Variants in SLC1A2 observed in about 807,000 individuals in gnomAD.
SLC1A2 encodes the protein solute carrier family 1 member 2.
SLC1A2 carries 15 observed loss-of-function variants against 48.8 expected under a neutral mutation model. That is an observed-to-expected ratio of 0.31 (90% CI 0.21 to 0.47). The LOEUF is 0.47. Ranked by LOEUF, SLC1A2 falls within the 20% of genes least tolerant of loss-of-function variation. SLC1A2 has a pLI of 0.99. For synonymous variants in SLC1A2, 279 were observed against 272.6 expected (o/e 1.02, Z -0.23); for missense variants, 502 against 730.5 (o/e 0.69, Z 3.61).
At chr11:35,408,817 T>C (rs914977727) in intron 1 of SLC1A2, among the ~76,000 whole-genome samples, 2 of 152,238 alleles carry the variant, frequency 1.3e-5, no homozygotes, top group Admixed American at 1.3e-4. Context: ...AAATGTAGAT[T>C]GAATGTAATC....
chr11:35,418,715 C>T, intron 1 of SLC1A2: 2 of 557,080 alleles, frequency 3.6e-6, no homozygotes, highest in South Asian at 2.2e-5. Context: ...CGCACCTTAC[C>T]CTTTTTATCA....
Position 35,419,299 on chromosome 11 carries a change from G to A in SLC1A2, c.-333C>T. Reference sequence around the variant, plus strand: ...CAGGGCTGCAGGAGGGCGCACGCCGGCGATGCGCCCCTGCAGCCGCTGCCA... The same window carrying A: ...CAGGGCTGCAGGAGGGCGCACGCCGACGATGCGCCCCTGCAGCCGCTGCCA... On this transcript the variant is annotated 5_prime_UTR_variant, in exon 1 of 11. Transcript: ENST00000278379. This position sits in a 1 kb window ranked among gnomAD's most constrained non-coding sequence, Gnocchi z 5.4. 1 of 293,682 alleles carries A rather than the reference G, an allele frequency of 3.4e-6. No homozygotes were observed. The highest frequency in any genetic ancestry group is 6.2e-6 in the Non-Finnish European group (1 of 160,106). 18.2% of individuals were successfully genotyped at this position (293,682 alleles called of 1,614,324 possible).
chr11:35,272,168 T>A (rs953418621), intron 9 of SLC1A2, among the ~76,000 whole-genome samples: 1 of 151,972 alleles, frequency 6.6e-6, no homozygotes, highest in Non-Finnish European at 1.5e-5. Flanking sequence ...AGGGAATAAT[T>A]GATGAAGTTA....
chr11:35,363,382 A>G (rs1853745015), intron 1 of SLC1A2, among the ~76,000 whole-genome samples: 1 of 152,028 alleles, frequency 6.6e-6, no homozygotes. Context: ...AGCTTGGGAC[A>G]CAGCTAAAGT....
chr11:35,378,909 T>C (rs1423049537), intron 1 of SLC1A2, among the ~76,000 whole-genome samples: 5 of 152,190 alleles, frequency 3.3e-5, no homozygotes, highest in East Asian at 1.9e-4. Flanking sequence ...TGAAGCTCCA[T>C]TGTCTGTGAA....
At chr11:35,343,045 C>A (rs1167322563) in intron 1 of SLC1A2, among the ~76,000 whole-genome samples, 2 of 152,246 alleles carry the variant, frequency 1.3e-5, no homozygotes, top group Non-Finnish European at 2.9e-5. Flanking sequence ...ACTTCTATCA[C>A]TATCCTGCTC....
chr11:35,414,294 G>A (rs1428405087), intron 1 of SLC1A2, among the ~76,000 whole-genome samples: 1 of 152,096 alleles, frequency 6.6e-6, no homozygotes, highest in Admixed American at 6.6e-5. Context: ...AAATTTTAAA[G>A]ATCTTCCTTT....
At position 35,260,410 on chromosome 11, in the gene SLC1A2, C is replaced by A. The variant is rs767305991; in HGVS notation, c.*484G>T. 7.1e-5 allele frequency: 11 copies of A among 155,372 alleles called. No homozygotes were observed. Among genetic ancestry groups the A allele is most frequent in the Non-Finnish European group, 1.4e-4 (10 of 69,972 alleles). 9.6% of individuals were successfully genotyped at this position (155,372 alleles called of 1,614,324 possible). A position where few individuals can be genotyped will look rare whatever the true frequency, so the allele number is the denominator to read the frequency against. On this transcript the variant is annotated 3_prime_UTR_variant, in exon 11 of 11. Coordinates refer to ENST00000278379, the MANE Select transcript of SLC1A2 (RefSeq NM_004171.4). ...CAATCCATGTGCAAGCTTTACTAGA[C>A]ATTTTAAGGGGAGTTACTTCTAGAG...
intron 5 of SLC1A2, among the ~76,000 whole-genome samples, chr11:35,303,969 C>CA (rs1193292933): frequency 1.3e-5 from 2 of 152,228 alleles, no homozygotes; most frequent in South Asian, 4.1e-4. Flanking sequence ...AACCTTATTT[C>CA]AGCCATGATT....
chr11:35,254,541 AG>A lies in SLC1A2; in HGVS notation c.*6352del, dbSNP rs1314214315. 2 of 295,340 alleles carry A rather than the reference AG, an allele frequency of 6.8e-6. No homozygotes were observed. Among genetic ancestry groups the A allele is most frequent in the Admixed American group, 9.8e-5 (2 of 20,442 alleles). 18.3% of individuals were successfully genotyped at this position (295,340 alleles called of 1,614,324 possible). A position where few individuals can be genotyped will look rare whatever the true frequency, so the allele number is the denominator to read the frequency against. ...GTATTTGCCCCCTAGCAAAGGCAAC[AG>A]GCTGTTTCCAGGCAGGCAAAATGGT... On this transcript the variant is annotated 3_prime_UTR_variant, in exon 11 of 11. Transcript: ENST00000278379.
rs573327274 is a variant in SLC1A2, at chr11:35,412,696, C to T, written c.17+6254G>A. On this transcript the variant is annotated intron_variant, in intron 1 of 10. Coordinates refer to ENST00000278379, the MANE Select transcript of SLC1A2 (RefSeq NM_004171.4). ...TTTCAGTAAAGAGCGTAAGTTAAGT[C>T]GCAACCCTAAACAGCCACACCTGAA... 4.0e-3 allele frequency among the ~76,000 whole-genome samples: 609 copies of T among 152,292 alleles called. 8 individuals carry two copies. The highest frequency in any genetic ancestry group is 4.1e-3 in the Non-Finnish European group (282 of 68,016).
intron 1 of SLC1A2, among the ~76,000 whole-genome samples, chr11:35,321,418 A>G (rs1448731087): frequency 1.3e-5 from 2 of 152,136 alleles, no homozygotes; most frequent in Non-Finnish European, 2.9e-5. Context: ...AGAAGAAATG[A>G]GGGGTTTCTT....
intron 4 of SLC1A2, among the ~76,000 whole-genome samples, chr11:35,310,059 C>G (rs559385138): frequency 6.6e-6 from 1 of 152,228 alleles, no homozygotes; most frequent in African/African-American, 2.4e-5. Flanking sequence ...TCCACCACAG[C>G]GCTCACCGAG....
intron 1 of SLC1A2, among the ~76,000 whole-genome samples, chr11:35,413,016 T>G (rs191862321): frequency 2.4e-4 from 36 of 152,308 alleles, no homozygotes; most frequent in Admixed American, 3.9e-4. Context: ...GATCTTTTTT[T>G]TTACATAGAA....
chr11:35,389,540 G>A (rs547408115), intron 1 of SLC1A2, among the ~76,000 whole-genome samples: 1 of 151,928 alleles, frequency 6.6e-6, no homozygotes, highest in South Asian at 2.1e-4. Context: ...GCATGATCGT[G>A]GCTCACTGCA....
At chr11:35,361,235 G>A (rs1853671755) in intron 1 of SLC1A2, among the ~76,000 whole-genome samples, 1 of 152,082 alleles carries the variant, frequency 6.6e-6, no homozygotes. Flanking sequence ...GCCCACTTTT[G>A]GAGGCTAAGA....
At chr11:35,272,696 G>A (rs377748413) in intron 9 of SLC1A2, among the ~76,000 whole-genome samples, 6 of 152,158 alleles carry the variant, frequency 3.9e-5, no homozygotes, top group African/African-American at 1.4e-4. Flanking sequence ...GAGCTTTAAG[G>A]CTTGGTAAAA....
Position 35,260,160 on chromosome 11 carries a change from C to T in SLC1A2, c.*734G>A, listed in dbSNP as rs1591396276. 6.6e-6 allele frequency: 1 copy of T among 152,308 alleles called. No individual in the cohort carries two copies. The highest frequency in any genetic ancestry group is 2.4e-5 in the African/African-American group (1 of 41,568). The allele number at this position is 152,308 out of a possible 1,614,324, so 9.4% of individuals were successfully genotyped here. Reference sequence around the variant, plus strand: ...ATCTACAGTGGTTATATATAAAATACTTCCTAATCAATTATCAAATTTAGA... The same window carrying T: ...ATCTACAGTGGTTATATATAAAATATTTCCTAATCAATTATCAAATTTAGA... On this transcript the variant is annotated 3_prime_UTR_variant, in exon 11 of 11. Transcript: ENST00000278379.
At chr11:35,385,318 G>A (rs998924395) in intron 1 of SLC1A2, among the ~76,000 whole-genome samples, 1 of 152,178 alleles carries the variant, frequency 6.6e-6, no homozygotes, top group South Asian at 2.1e-4. Flanking sequence ...ATATCAGATG[G>A]TTTTTCCATT....
Sources: gnomAD v4.1 joint callset for allele counts (sites outside exome capture counted in the v4.1 genomes callset) on GRCh38, gnomAD v4.1.1 for gene constraint, Gnocchi (gnomAD v3.1) non-coding constraint, MANE v1.5 for transcripts, NCBI Gene and HGNC (gene_info 2026-07-23, HGNC 2026-07-21) for gene names.